Variants in MSR1 observed in about 807,000 individuals in gnomAD.
The protein encoded by MSR1 is macrophage scavenger receptor 1.
A neutral mutation model predicts 47.2 loss-of-function variants in MSR1; 53 were observed. The observed-to-expected ratio is 1.12, with a 90% confidence interval of 0.90 to 1.41. The LOEUF is 1.41. Ranked by LOEUF, MSR1 falls within the 40% of genes most tolerant of loss-of-function variation. The pLI is 0.00. For missense variants in MSR1, 786 were observed against 546.9 expected (o/e 1.44, Z -4.36); for synonymous variants, 239 against 185.6 (o/e 1.29, Z -2.34).
intron 8 of MSR1, among the ~76,000 whole-genome samples, chr8:16,131,529 T>G (rs1411083331): frequency 6.7e-6 from 1 of 149,742 alleles, no homozygotes. Flanking sequence ...CAATTGCTTT[T>G]GGCATCTTCA....
At chr8:16,148,610 T>C (rs1478550609) in intron 7 of MSR1, among the ~76,000 whole-genome samples, 1 of 152,022 alleles carries the variant, frequency 6.6e-6, no homozygotes, top group South Asian at 2.1e-4. Flanking sequence ...CCTGGCTAAT[T>C]TTTGTATCTT....
At chr8:16,166,720 A>G (rs945815267) in intron 4 of MSR1, among the ~76,000 whole-genome samples, 2 of 151,860 alleles carry the variant, frequency 1.3e-5, no homozygotes, top group South Asian at 2.1e-4. Flanking sequence ...TTTGGTGCCA[A>G]TGTTCTTCCT....
chr8:16,168,328 G>T, intron 4 of MSR1, 130 bp downstream of exon 4: 3 of 848,876 alleles, frequency 3.5e-6, no homozygotes, highest in South Asian at 1.5e-5. Flanking sequence ...GGATAAGTTA[G>T]CCATAGAAAT....
At chr8:16,191,853 C>G (rs897310386) in intron 1 of MSR1, among the ~76,000 whole-genome samples, 2 of 152,160 alleles carry the variant, frequency 1.3e-5, no homozygotes, top group African/African-American at 4.8e-5. Context: ...CAAGATTAAT[C>G]AGATTTCTAG....
At chr8:16,154,685 G>A (rs970758921) in intron 6 of MSR1, among the ~76,000 whole-genome samples, 29 of 151,836 alleles carry the variant, frequency 1.9e-4, no homozygotes, top group Non-Finnish European at 3.8e-4. Flanking sequence ...TTTATTCAAC[G>A]CAAAGATAAT....
In MSR1 at chr8:16,146,263, A is replaced by G. The variant is rs530642907; in HGVS notation, c.980-2652T>C. 2.0e-5 allele frequency among the ~76,000 whole-genome samples: 3 copies of G among 152,036 alleles called. No homozygotes were observed. The South Asian group carries it at 6.2e-4, about 32-fold the overall frequency. ...TGAATTCCTCACCTTATAACCACTC[A>G]TTAACCTTACACTATCTTTTTTGCT... On this transcript the variant is annotated intron_variant, in intron 7 of 9. Coordinates refer to ENST00000262101, the MANE Select transcript of MSR1 (RefSeq NM_138715.3).
intron 8 of MSR1, among the ~76,000 whole-genome samples, chr8:16,126,185 A>T (rs955881163): frequency 2.0e-5 from 3 of 152,186 alleles, no homozygotes; most frequent in Non-Finnish European, 2.9e-5. Context: ...AAGTTAGAGA[A>T]AAGATACTAC....
At chr8:16,161,839 T>C (rs1178975888) in intron 5 of MSR1, among the ~76,000 whole-genome samples, 2 of 152,016 alleles carry the variant, frequency 1.3e-5, no homozygotes, top group African/African-American at 4.8e-5. Flanking sequence ...TTTCTCAAAC[T>C]AGTGTATTTG....
intron 4 of MSR1, among the ~76,000 whole-genome samples, chr8:16,166,625 C>A (rs1801319342): frequency 6.6e-6 from 1 of 152,002 alleles, no homozygotes; most frequent in Non-Finnish European, 1.5e-5. Context: ...CACCAGTGAC[C>A]CTCCTAGAAA....
At chr8:16,136,250 G>A (rs1035194874) in intron 8 of MSR1, among the ~76,000 whole-genome samples, 5 of 152,148 alleles carry the variant, frequency 3.3e-5, no homozygotes, top group Non-Finnish European at 7.4e-5. Context: ...GTTGTCTTAA[G>A]AAATTGCCAC....
intron 5 of MSR1, among the ~76,000 whole-genome samples, chr8:16,162,829 T>C (rs1012050454): frequency 2.0e-5 from 3 of 151,954 alleles, no homozygotes; most frequent in African/African-American, 4.8e-5. Context: ...TTATAGCTTA[T>C]CTTCTTTCTC....
In MSR1 at chr8:16,126,818, A is replaced by G. The variant is rs149776470; in HGVS notation, c.1034-6212T>C. 1.1e-4 allele frequency among the ~76,000 whole-genome samples: 16 copies of G among 152,232 alleles called. No homozygotes were observed. The East Asian group carries it at 3.1e-3, about 29-fold the overall frequency. On this transcript the variant is annotated intron_variant, in intron 8 of 9. Coordinates refer to ENST00000262101, the MANE Select transcript of MSR1 (RefSeq NM_138715.3). ...GCGATTTGCTTGCTTTGGCCTCCCA[A>G]AGTACTGGGATTACAGACATGAGCC... is the stretch of plus-strand genomic sequence containing the variant.
chr8:16,188,715 C>T (rs1328833827), intron 1 of MSR1, among the ~76,000 whole-genome samples: 3 of 151,826 alleles, frequency 2.0e-5, no homozygotes, highest in East Asian at 3.9e-4. Flanking sequence ...CCTGTGTCCA[C>T]GTGCTCTCAC....
chr8:16,167,060 C>T (rs1440339354), intron 4 of MSR1, among the ~76,000 whole-genome samples: 1 of 152,096 alleles, frequency 6.6e-6, no homozygotes, highest in Non-Finnish European at 1.5e-5. Context: ...TCACCATTCC[C>T]TTGCATTTCC....
At chr8:16,122,341 C>T (rs1018493310) in intron 8 of MSR1, among the ~76,000 whole-genome samples, 2 of 152,030 alleles carry the variant, frequency 1.3e-5, no homozygotes, top group African/African-American at 4.8e-5. Context: ...ATATTAGAGA[C>T]ATGTTTTATT....
In MSR1 at chr8:16,120,679, G is replaced by A. The variant is rs181904045; in HGVS notation, c.1034-73C>T. 7.8e-3 allele frequency: 11,455 copies of A among 1,475,096 alleles called. 72 individuals carry two copies. Among genetic ancestry groups the A allele is most frequent in the Non-Finnish European group, 8.8e-3 (9,808 of 1,119,768 alleles). 91.4% of individuals were successfully genotyped at this position (1,475,096 alleles called of 1,614,324 possible). ...CTAATTATGTACATACTGCTTTACA[G>A]CACTTTTTTTTTAAACACAAAAAAA... is the stretch of plus-strand genomic sequence containing the variant. On this transcript the variant is annotated intron_variant, in intron 8 of 9. Coordinates refer to ENST00000262101, the MANE Select transcript of MSR1 (RefSeq NM_138715.3).
intron 3 of MSR1, among the ~76,000 whole-genome samples, chr8:16,174,636 C>T (rs1290984418): frequency 6.6e-6 from 1 of 151,916 alleles, no homozygotes; most frequent in East Asian, 1.9e-4. Context: ...AAATAATATC[C>T]CTATGAAAAA....
intron 6 of MSR1, among the ~76,000 whole-genome samples, chr8:16,152,737 C>G (rs924081450): frequency 1.3e-5 from 2 of 152,062 alleles, no homozygotes; most frequent in African/African-American, 4.8e-5. Context: ...AAATCAGCCC[C>G]TTAAAAGAAA....
chr8:16,150,521 A>T (rs1800826574), intron 6 of MSR1, among the ~76,000 whole-genome samples: 1 of 152,124 alleles, frequency 6.6e-6, no homozygotes. Flanking sequence ...CATTGTAGCT[A>T]TTCAATAAAT....
Sources: allele counts gnomAD v4.1 joint callset (sites outside exome capture counted in the v4.1 genomes callset), GRCh38; gene constraint gnomAD v4.1.1; transcripts MANE v1.5; gene names NCBI Gene and HGNC (gene_info 2026-07-23, HGNC 2026-07-21).